Variants in GRID2 observed in about 807,000 individuals in gnomAD.
GRID2 encodes glutamate ionotropic receptor delta type subunit 2.
GRID2 carries 33 observed loss-of-function variants against 114.8 expected under a neutral mutation model. That is an observed-to-expected ratio of 0.29 (90% CI 0.22 to 0.38). GRID2 has a LOEUF of 0.38. Among genes scored for constraint, GRID2 ranks in the 10% least tolerant of loss-of-function variants. The pLI, the probability that GRID2 is intolerant of heterozygous loss-of-function variation, is 1.00. For synonymous variants in GRID2, 505 were observed against 449.9 expected (o/e 1.12, Z -1.55); for missense variants, 1,184 against 1,257.7 (o/e 0.94, Z 0.89).
intron 2 of GRID2, among the ~76,000 whole-genome samples, chr4:92,806,771 A>G (rs1359147250): frequency 2.0e-5 from 3 of 151,954 alleles, no homozygotes; most frequent in Non-Finnish European, 4.4e-5. Context: ...TTTTAGTATT[A>G]TTTGTAATTT....
intron 1 of GRID2, among the ~76,000 whole-genome samples, chr4:93,806,066 C>T (rs1735022715): frequency 6.6e-6 from 1 of 151,856 alleles, no homozygotes; most frequent in Admixed American, 6.6e-5. Flanking sequence ...CACAGCACTC[C>T]CGCCTGGGCA....
chr4:92,678,525 T>A (rs1352504816), intron 2 of GRID2, among the ~76,000 whole-genome samples: 1 of 152,044 alleles, frequency 6.6e-6, no homozygotes, highest in Admixed American at 6.5e-5. Flanking sequence ...TGGTGTCTGC[T>A]ACTTGGGTAT....
At chr4:93,272,516 G>T (rs530585936) in intron 8 of GRID2, among the ~76,000 whole-genome samples, 34 of 152,266 alleles carry the variant, frequency 2.2e-4, no homozygotes, top group Non-Finnish European at 1.5e-5. Flanking sequence ...CTAGCGCAAG[G>T]GAGTGCATGG....
In GRID2 at chr4:93,300,913, G is replaced by A. The variant is rs1239617883; in HGVS notation, c.1245+62423G>A. Among the ~76,000 whole-genome samples, 6 of 152,186 alleles carry A rather than the reference G, an allele frequency of 3.9e-5. 1 individual carries two copies. In the East Asian group the frequency reaches 1.2e-3, roughly 29 times the overall value. On this transcript the variant is annotated intron_variant, in intron 8 of 15. Transcript: ENST00000282020. ...TCAGAGAGAAACAGAACAGGGCAGGGAGTTTCACAGTGTTCTTCTACACAA... is the reference window on the plus strand; with the variant it reads ...TCAGAGAGAAACAGAACAGGGCAGGAAGTTTCACAGTGTTCTTCTACACAA...
chr4:93,388,577 T>C (rs2870702), intron 8 of GRID2, among the ~76,000 whole-genome samples: 104,990 of 152,092 alleles, frequency 0.69, 36,953 homozygotes, highest in African/African-American at 0.83. Flanking sequence ...TGACATGAAT[T>C]GATGAATATA....
chr4:93,295,930 A>C (rs1321515391), intron 8 of GRID2, among the ~76,000 whole-genome samples: 1 of 152,246 alleles, frequency 6.6e-6, no homozygotes, highest in East Asian at 1.9e-4. Flanking sequence ...CTGCTAATTC[A>C]TTTGTGAATT....
Position 92,788,267 on chromosome 4 carries a change from A to C in GRID2, c.244+197981A>C, listed in dbSNP as rs527974101. Reference sequence around the variant, plus strand: ...GGGAAAACTAAACCTCTCAGACTAAAGGTTGAGAGTCAACAATCAGAATCA... The same window carrying C: ...GGGAAAACTAAACCTCTCAGACTAACGGTTGAGAGTCAACAATCAGAATCA... On this transcript the variant is annotated intron_variant, in intron 2 of 15. Coordinates refer to ENST00000282020, the MANE Select transcript of GRID2 (RefSeq NM_001510.4). Among the ~76,000 whole-genome samples, 5 of 151,984 alleles carry C rather than the reference A, an allele frequency of 3.3e-5. No individual in the cohort carries two copies. The East Asian group carries it at 9.8e-4, about 30-fold the overall frequency.
intron 2 of GRID2, among the ~76,000 whole-genome samples, chr4:92,653,219 T>G (rs193130293): frequency 2.3e-4 from 34 of 150,044 alleles, no homozygotes; most frequent in Admixed American, 4.7e-4. Context: ...AGGCTGGTCT[T>G]GAACTCCTGA....
chr4:93,382,675 TAC>T (rs1434948579), intron 8 of GRID2, among the ~76,000 whole-genome samples: 1 of 152,090 alleles, frequency 6.6e-6, no homozygotes, highest in African/African-American at 2.4e-5. Flanking sequence ...GCATCTTTAT[TAC>T]AGTTGTTTTA....
At chr4:93,625,900 G>A (rs1742670510) in intron 13 of GRID2, among the ~76,000 whole-genome samples, 2 of 151,190 alleles carry the variant, frequency 1.3e-5, no homozygotes, top group African/African-American at 4.9e-5. Flanking sequence ...GGGCGACAGA[G>A]CAAGACTCCG....
intron 4 of GRID2, among the ~76,000 whole-genome samples, chr4:93,169,204 G>A (rs1738561387): frequency 6.7e-6 from 1 of 150,244 alleles, no homozygotes; most frequent in Non-Finnish European, 1.5e-5. Flanking sequence ...TAGGCTAAGT[G>A]TAAAAATTAT....
At chr4:92,698,818 C>T (rs1019884768) in intron 2 of GRID2, among the ~76,000 whole-genome samples, 2 of 151,994 alleles carry the variant, frequency 1.3e-5, no homozygotes, top group Admixed American at 1.3e-4. Flanking sequence ...CATCATAAGC[C>T]ATGTGTATCT....
rs1362418540 is a variant in GRID2 at position 92,395,092 on chromosome 4, A to G, written c.88+90348A>G. Among the ~76,000 whole-genome samples, 3 of 151,728 alleles carry G rather than the reference A, an allele frequency of 2.0e-5. No individual in the cohort carries two copies. In the East Asian group the frequency reaches 5.8e-4, roughly 29 times the overall value. Reference sequence around the variant, plus strand: ...AAATTAAATAAACAATGAACAACACATAAATATTTTCTTTAAAATATTTTG... The same window carrying G: ...AAATTAAATAAACAATGAACAACACGTAAATATTTTCTTTAAAATATTTTG... On this transcript the variant is annotated intron_variant, in intron 1 of 15. Transcript: ENST00000282020.
At chr4:92,545,686 C>T (rs572118850) in intron 1 of GRID2, among the ~76,000 whole-genome samples, 18 of 152,280 alleles carry the variant, frequency 1.2e-4, no homozygotes, top group African/African-American at 4.3e-4. Flanking sequence ...ATATAGCCAA[C>T]ATATTATTCT....
intron 4 of GRID2, among the ~76,000 whole-genome samples, chr4:93,178,672 G>A (rs1739598113): frequency 6.6e-6 from 1 of 151,888 alleles, no homozygotes; most frequent in Admixed American, 6.6e-5. Flanking sequence ...ACACTTGTGA[G>A]CCACCACACA....
intron 1 of GRID2, among the ~76,000 whole-genome samples, chr4:92,574,324 G>A (rs1382299317): frequency 1.3e-5 from 2 of 150,950 alleles, no homozygotes; most frequent in Non-Finnish European, 2.9e-5. Context: ...GTGTGTATTT[G>A]ATCCTGTCAT....
intron 13 of GRID2, among the ~76,000 whole-genome samples, chr4:93,572,931 T>C (rs1021889577): frequency 2.0e-5 from 3 of 152,136 alleles, no homozygotes; most frequent in Non-Finnish European, 4.4e-5. Flanking sequence ...GTGTGAGTCC[T>C]AAGGCAAAAT....
chr4:93,499,262 T>C (rs1285516075), intron 12 of GRID2, among the ~76,000 whole-genome samples: 1 of 151,914 alleles, frequency 6.6e-6, no homozygotes, highest in Admixed American at 6.6e-5. Flanking sequence ...TTCTTTTCCC[T>C]TACCTTAACT....
At chr4:92,369,489 T>A (rs1249794045) in intron 1 of GRID2, among the ~76,000 whole-genome samples, 1 of 152,168 alleles carries the variant, frequency 6.6e-6, no homozygotes, top group Non-Finnish European at 1.5e-5. Context: ...CAGATGCTTG[T>A]TTACAAGGCT....
Sources: gnomAD v4.1 joint callset for allele counts (sites outside exome capture counted in the v4.1 genomes callset) on GRCh38, gnomAD v4.1.1 for gene constraint, MANE v1.5 for transcripts, NCBI Gene and HGNC (gene_info 2026-07-23, HGNC 2026-07-21) for gene names.